Variants in BMPR1A observed in about 807,000 individuals in gnomAD.
The protein encoded by BMPR1A is bone morphogenetic protein receptor type-1A.
In BMPR1A, 7 loss-of-function variants were observed where a neutral mutation model predicts 66.0. The ratio of observed to expected loss-of-function variants is 0.11; its 90% CI spans 0.06 to 0.20. The LOEUF (loss-of-function observed/expected upper bound fraction) is 0.20. Ranked by LOEUF, BMPR1A falls within the 10% of genes least tolerant of loss-of-function variation. BMPR1A has a pLI of 1.00. For missense variants in BMPR1A, 408 were observed against 669.1 expected (o/e 0.61, Z 4.31); for synonymous variants, 200 against 229.7 (o/e 0.87, Z 1.17).
intron 3 of BMPR1A, among the ~76,000 whole-genome samples, chr10:86,880,951 C>G (rs1322647940): frequency 1.3e-5 from 2 of 152,002 alleles, no homozygotes; most frequent in Non-Finnish European, 2.9e-5. Context: ...CTGTACATGC[C>G]AACACTTGGG....
At chr10:86,846,695 T>G (rs1842488692) in intron 2 of BMPR1A, among the ~76,000 whole-genome samples, 1 of 151,960 alleles carries the variant, frequency 6.6e-6, no homozygotes, top group African/African-American at 2.4e-5. Context: ...AGCAAGACTC[T>G]GTCCCCCGCC....
upstream of BMPR1A, chr10:86,756,163 G>A (rs986215263): frequency 1.3e-5 from 2 of 152,158 alleles, no homozygotes; most frequent in South Asian, 2.1e-4. Flanking sequence ...GGGGATATCC[G>A]GCCCCGAAGG....
At chr10:86,888,429 G>A in intron 3 of BMPR1A, among the ~76,000 whole-genome samples, 1 of 152,082 alleles carries the variant, frequency 6.6e-6, no homozygotes, top group Non-Finnish European at 1.5e-5. Context: ...GATTGCACCA[G>A]TGCACTCCAG....
chr10:86,855,573 A>G (rs746153252), intron 2 of BMPR1A: 1 of 539,424 alleles, frequency 1.9e-6, no homozygotes, highest in Non-Finnish European at 3.4e-6. Flanking sequence ...TTGAAATAGT[A>G]CTTTTCAAAA....
At chr10:86,841,094 T>G (rs556010527) in intron 2 of BMPR1A, among the ~76,000 whole-genome samples, 1 of 152,202 alleles carries the variant, frequency 6.6e-6, no homozygotes, top group Non-Finnish European at 1.5e-5. Flanking sequence ...TTAAAGATAG[T>G]GTAGCTTTGC....
intron 7 of BMPR1A, among the ~76,000 whole-genome samples, chr10:86,902,288 T>G (rs1234559577): frequency 6.6e-6 from 1 of 152,176 alleles, no homozygotes; most frequent in Non-Finnish European, 1.5e-5. Context: ...TTGCATAGAT[T>G]TTTTTCTCTT....
chr10:86,838,590 A>G (rs1224896248), intron 1 of BMPR1A, among the ~76,000 whole-genome samples: 4 of 63,722 alleles, frequency 6.3e-5, no homozygotes, highest in African/African-American at 2.7e-4. Flanking sequence ...TCAAATTGAG[A>G]TGAGTTTTTT....
chr10:86,795,435 G>C (rs1470016096), intron 1 of BMPR1A, among the ~76,000 whole-genome samples: 2 of 148,876 alleles, frequency 1.3e-5, no homozygotes, highest in African/African-American at 5.0e-5. Context: ...TTTTCCTAAC[G>C]CTGTAACAGT....
intron 1 of BMPR1A, among the ~76,000 whole-genome samples, chr10:86,768,476 C>A (rs953739858): frequency 1.3e-5 from 2 of 152,006 alleles, no homozygotes; most frequent in African/African-American, 4.8e-5. Context: ...TAAAATTATG[C>A]ACTCTTCCCT....
At chr10:86,898,285 T>C (rs1564717292) in intron 5 of BMPR1A, among the ~76,000 whole-genome samples, 3 of 152,050 alleles carry the variant, frequency 2.0e-5, no homozygotes, top group Admixed American at 6.5e-5. Context: ...TATATACATG[T>C]TTATATGAAA....
chr10:86,771,335 T>TA (rs532256956), intron 1 of BMPR1A, among the ~76,000 whole-genome samples: 168 of 152,344 alleles, frequency 1.1e-3, no homozygotes, highest in African/African-American at 3.9e-3. Flanking sequence ...TATTCACATA[T>TA]AAAAGGTAAG....
chr10:86,879,131 C>G (rs772251786), intron 3 of BMPR1A, among the ~76,000 whole-genome samples: 18 of 152,094 alleles, frequency 1.2e-4, no homozygotes, highest in African/African-American at 4.1e-4. Flanking sequence ...GACCCAAGTT[C>G]TTTGTCTTTT....
intron 1 of BMPR1A, among the ~76,000 whole-genome samples, chr10:86,808,454 T>C (rs940147390): frequency 1.5e-3 from 229 of 152,352 alleles, no homozygotes; most frequent in African/African-American, 5.1e-3. Context: ...ATTTGCTCTT[T>C]GTTTTCTATT....
chr10:86,756,423 G>C (rs1421623675), upstream of BMPR1A: 5 of 151,824 alleles, frequency 3.3e-5, no homozygotes, highest in African/African-American at 1.2e-4. Context: ...TGGGCGCCGG[G>C]CTCCGCGAAC....
chr10:86,857,967 T>C (rs1187816783), intron 2 of BMPR1A, among the ~76,000 whole-genome samples: 1 of 152,090 alleles, frequency 6.6e-6, no homozygotes, highest in African/African-American at 2.4e-5. Flanking sequence ...TGTATCCTGT[T>C]TGTTAGAAGA....
intron 1 of BMPR1A, among the ~76,000 whole-genome samples, chr10:86,817,122 A>G (rs76385113): frequency 5.3e-4 from 80 of 152,330 alleles, no homozygotes; most frequent in African/African-American, 1.8e-3. Flanking sequence ...ATTTTTAAGT[A>G]TATAGTTCAG....
chr10:86,913,289 ATT>A (rs36002213), intron 8 of BMPR1A, among the ~76,000 whole-genome samples: 11 of 119,044 alleles, frequency 9.2e-5, no homozygotes, highest in Admixed American at 9.0e-5. Flanking sequence ...CACCAGGCTA[ATT>A]TTTTTTTTTT....
chr10:86,833,888 A>G (rs1273431710), intron 1 of BMPR1A, among the ~76,000 whole-genome samples: 1 of 152,236 alleles, frequency 6.6e-6, no homozygotes. Flanking sequence ...ATACACGTTA[A>G]GATGATTCTA....
intron 2 of BMPR1A, chr10:86,855,636 A>G (rs1842630457): frequency 4.5e-6 from 3 of 673,354 alleles, no homozygotes; most frequent in African/African-American, 1.8e-5. Flanking sequence ...GGAAGTTCAC[A>G]TGTGGCAGCT....
Sources: allele counts gnomAD v4.1 joint callset (sites outside exome capture counted in the v4.1 genomes callset), GRCh38; gene constraint gnomAD v4.1.1; transcripts MANE v1.5; gene names NCBI Gene and HGNC (gene_info 2026-07-23, HGNC 2026-07-21).